The following KALRN variants were observed in gnomAD, a reference collection of about 807,000 sequenced individuals.
KALRN encodes kalirin.
In KALRN, 70 loss-of-function variants were observed where a neutral mutation model predicts 353.7. The observed-to-expected ratio is 0.20, with a 90% CI of 0.16 to 0.24. KALRN has a LOEUF of 0.24. Ranked by LOEUF, KALRN falls within the 10% of genes least tolerant of loss-of-function variation. The pLI is 1.00. For synonymous variants in KALRN, 1,391 were observed against 1,434.8 expected (o/e 0.97, Z 0.69); for missense variants, 2,791 against 3,756.7 (o/e 0.74, Z 6.72).
rs869160995 is a variant in KALRN at position 124,471,254 on chromosome 3, G to GTTT, written c.4032-3407_4032-3405dup. ...AAATCCTTACAAGCACCCCCACAAAGTTTTATTATTATTATTATTATTATT... is the reference window on the plus strand; with the variant it reads ...AAATCCTTACAAGCACCCCCACAAAGTTTTTTTATTATTATTATTATTATTATT... On this transcript the variant is annotated intron_variant, in intron 25 of 59. Coordinates refer to ENST00000682506, the MANE Select transcript of KALRN (RefSeq NM_001388419.1). Among the ~76,000 whole-genome samples, 348 of 127,462 alleles carry GTTT rather than the reference G, an allele frequency of 2.7e-3. 5 individuals carry two copies. The highest frequency in any genetic ancestry group is 0.01 in the African/African-American group (326 of 32,546). 83.6% of individuals were successfully genotyped at this position (127,462 alleles called of 152,430 possible).
intron 8 of KALRN, among the ~76,000 whole-genome samples, chr3:124,331,907 T>C (rs1245965056): frequency 6.6e-6 from 1 of 152,146 alleles, no homozygotes; most frequent in Non-Finnish European, 1.5e-5. Flanking sequence ...TTAGAGCTCA[T>C]GTGGGGTGGA....
At chr3:124,045,301 G>T (rs1229012084) in intron 1 of KALRN, among the ~76,000 whole-genome samples, 1 of 152,158 alleles carries the variant, frequency 6.6e-6, no homozygotes, top group African/African-American at 2.4e-5. Flanking sequence ...AGATTGGTAG[G>T]ACTCCGTGTC....
chr3:124,316,562 G>T (rs1013925998), intron 6 of KALRN, among the ~76,000 whole-genome samples: 1 of 152,154 alleles, frequency 6.6e-6, no homozygotes. Context: ...CTTTGCCCCT[G>T]CTGCTCCTCT....
At chr3:124,708,077 C>G (rs763417417) in intron 57 of KALRN, among the ~76,000 whole-genome samples, 28 of 152,206 alleles carry the variant, frequency 1.8e-4, no homozygotes, top group Non-Finnish European at 2.4e-4. Flanking sequence ...ATAGAACCAC[C>G]TCCCACAGAA....
rs536098290 is a variant in KALRN at position 124,725,131 on chromosome 3, C to T, written c.*5661C>T. 6.6e-6 allele frequency: 1 copy of T among 152,306 alleles called. No individual in the cohort carries two copies. The highest frequency in any genetic ancestry group is 2.1e-4 in the South Asian group (1 of 4,826). The allele number at this position is 152,306 out of a possible 1,614,324, so 9.4% of individuals were successfully genotyped here. On this transcript the variant is annotated 3_prime_UTR_variant, in exon 60 of 60. Transcript: ENST00000682506. ...GCCATCATATGAGTTTCCATCAATA[C>T]CTGACTTCCATCAACAACTGAATCC...
chr3:124,599,234 C>T (rs536832797), intron 34 of KALRN, among the ~76,000 whole-genome samples: 39 of 152,268 alleles, frequency 2.6e-4, no homozygotes, highest in African/African-American at 8.7e-4. Flanking sequence ...AGAGTAAAAG[C>T]GGCATAAAGC....
chr3:124,346,095 A>T (rs987560118), intron 9 of KALRN, among the ~76,000 whole-genome samples: 3 of 152,182 alleles, frequency 2.0e-5, no homozygotes, highest in African/African-American at 7.2e-5. Flanking sequence ...TTTTAGCAGG[A>T]TCTATAACAG....
chr3:124,123,439 C>G (rs549793370), intron 1 of KALRN, among the ~76,000 whole-genome samples: 10 of 152,260 alleles, frequency 6.6e-5, no homozygotes, highest in African/African-American at 2.4e-4. Flanking sequence ...TAATTCTCTT[C>G]AATTCTATGA....
chr3:124,345,140 G>A (rs2082138899), intron 9 of KALRN, among the ~76,000 whole-genome samples: 1 of 152,168 alleles, frequency 6.6e-6, no homozygotes. Flanking sequence ...TGAAAAATCT[G>A]TTATAAATTC....
chr3:124,405,494 G>A (rs78482926), intron 13 of KALRN, among the ~76,000 whole-genome samples: 1,633 of 152,228 alleles, frequency 0.011, 26 homozygotes, highest in East Asian at 0.086. Context: ...TTCAACAAAA[G>A]AGAGATCTTT....
chr3:124,375,939 T>A (rs2086528003), intron 10 of KALRN, among the ~76,000 whole-genome samples: 1 of 152,194 alleles, frequency 6.6e-6, no homozygotes, highest in Non-Finnish European at 1.5e-5. Context: ...TAGGCCCATG[T>A]ACCTTCCTAA....
At chr3:124,072,461 T>C (rs2149273533) in intron 1 of KALRN, among the ~76,000 whole-genome samples, 1 of 152,324 alleles carries the variant, frequency 6.6e-6, no homozygotes, top group East Asian at 1.9e-4. Flanking sequence ...CCTGTTTTAC[T>C]TGTGAAATAA....
At chr3:124,182,845 C>CA (rs1222580157) in intron 1 of KALRN, among the ~76,000 whole-genome samples, 1 of 152,110 alleles carries the variant, frequency 6.6e-6, no homozygotes, top group Admixed American at 6.6e-5. Context: ...CTATGCTGAC[C>CA]AAAACCGCAT....
chr3:124,389,203 T>G (rs937854356), intron 11 of KALRN, among the ~76,000 whole-genome samples: 3 of 152,192 alleles, frequency 2.0e-5, no homozygotes, highest in Non-Finnish European at 4.4e-5. Flanking sequence ...TTGGTGCCAA[T>G]TTGTAAAAGA....
At chr3:124,117,225 G>T (rs555383004) in intron 1 of KALRN, among the ~76,000 whole-genome samples, 68 of 152,252 alleles carry the variant, frequency 4.5e-4, no homozygotes, top group Non-Finnish European at 3.7e-4. Context: ...GAGAAGGGGG[G>T]ACTGGCTGGT....
chr3:124,114,116 C>G (rs2063242323), intron 1 of KALRN, among the ~76,000 whole-genome samples: 1 of 152,116 alleles, frequency 6.6e-6, no homozygotes, highest in Non-Finnish European at 1.5e-5. Flanking sequence ...AGGGACCAGG[C>G]TTGAGGGAGC....
intron 33 of KALRN, among the ~76,000 whole-genome samples, chr3:124,510,173 C>T (rs1048135417): frequency 6.6e-6 from 1 of 152,122 alleles, no homozygotes; most frequent in Admixed American, 6.6e-5. Flanking sequence ...AAACTGGGAC[C>T]AAATGTAATT....
intron 10 of KALRN, among the ~76,000 whole-genome samples, chr3:124,352,683 T>G (rs931095129): frequency 6.6e-6 from 1 of 151,888 alleles, no homozygotes; most frequent in African/African-American, 2.4e-5. Context: ...TGTTTTGTTT[T>G]TTTTTTTATC....
intron 1 of KALRN, among the ~76,000 whole-genome samples, chr3:124,122,945 G>A (rs1211393678): frequency 6.6e-6 from 1 of 152,160 alleles, no homozygotes; most frequent in Non-Finnish European, 1.5e-5. Context: ...GCTCATGCCT[G>A]TAATCCCAGC....
Sources: allele counts gnomAD v4.1 joint callset (sites outside exome capture counted in the v4.1 genomes callset), GRCh38; gene constraint gnomAD v4.1.1; transcripts MANE v1.5; gene names NCBI Gene and HGNC (gene_info 2026-07-23, HGNC 2026-07-21).